The following FYB2 variants were observed in gnomAD, a reference collection of about 807,000 sequenced individuals.
FYB2 encodes FYN binding protein 2, also known as FYN-binding protein 2.
In FYB2, 103 loss-of-function variants were observed where a neutral mutation model predicts 94.1. That is an observed-to-expected ratio of 1.09 (90% CI 0.93 to 1.29). The LOEUF is 1.29. Ranked by LOEUF, FYB2 falls within the 50% of genes most tolerant of loss-of-function variation. FYB2 has a pLI of 0.00. For missense variants in FYB2, 896 were observed against 841.5 expected (o/e 1.06, Z -0.80); for synonymous variants, 293 against 287.9 (o/e 1.02, Z -0.18).
At chr1:56,719,719 AT>A in intron 19 of FYB2, 27 bp from the exon 20 acceptor site, 2 of 1,555,530 alleles carry the variant, frequency 1.3e-6, no homozygotes, top group Non-Finnish European at 1.8e-6. Context: ...ATATGCAAAC[AT>A]TTTAAAATAT....
intron 4 of FYB2, among the ~76,000 whole-genome samples, chr1:56,773,043 T>A (rs952874008): frequency 2.0e-5 from 3 of 152,212 alleles, no homozygotes; most frequent in African/African-American, 7.2e-5. Context: ...ATTATCTATG[T>A]TCAAGAAGCA....
intron 4 of FYB2, among the ~76,000 whole-genome samples, chr1:56,782,087 T>C (rs1343568836): frequency 6.6e-6 from 1 of 152,222 alleles, no homozygotes; most frequent in Non-Finnish European, 1.5e-5. Flanking sequence ...GATTGAAATA[T>C]CTATCACAAT....
At chr1:56,800,130 G>A (rs1028521697) in intron 1 of FYB2, among the ~76,000 whole-genome samples, 4 of 152,164 alleles carry the variant, frequency 2.6e-5, no homozygotes, top group Non-Finnish European at 5.9e-5. Context: ...GAGCCTTAAG[G>A]AATATGTAAA....
At chr1:56,756,927 G>T (rs528433727) in intron 6 of FYB2, among the ~76,000 whole-genome samples, 2 of 152,170 alleles carry the variant, frequency 1.3e-5, no homozygotes, top group African/African-American at 4.8e-5. Context: ...GTGGTAGTTT[G>T]GTGTGAAGGG....
chr1:56,814,216 C>T (rs186891108), intron 1 of FYB2, among the ~76,000 whole-genome samples: 1 of 152,296 alleles, frequency 6.6e-6, no homozygotes, highest in East Asian at 1.9e-4. Flanking sequence ...GGTGAGGAGG[C>T]TCGAGTTAGA....
At chr1:56,770,004 T>C (rs1190740566) in intron 4 of FYB2, among the ~76,000 whole-genome samples, 1 of 152,128 alleles carries the variant, frequency 6.6e-6, no homozygotes, top group Non-Finnish European at 1.5e-5. Flanking sequence ...ATATTAATAT[T>C]AGACCAACTT....
chr1:56,789,028 C>A lies in FYB2; in HGVS notation c.864G>T (p.Val288=). ...PPPKPSRPPI[V]NLQAFQRQPA... ...GCTGCCTCTGAAAGGCCTGGAGGTTCACGATGGGAGGTCTTGAAGGCTTTG... is the reference window on the plus strand; with the variant it reads ...GCTGCCTCTGAAAGGCCTGGAGGTTAACGATGGGAGGTCTTGAAGGCTTTG... Residue 288 remains valine, a synonymous_variant, in exon 3 of 20, where the codon GTG becomes GTT. Coordinates refer to ENST00000343433, the MANE Select transcript of FYB2 (RefSeq NM_001004303.5). 1 of 1,614,040 alleles carries A rather than the reference C, an allele frequency of 6.2e-7. No homozygotes were observed. The highest frequency in any genetic ancestry group is 8.5e-7 in the Non-Finnish European group (1 of 1,179,950).
At chr1:56,739,626 G>C (rs932639599) in intron 13 of FYB2, among the ~76,000 whole-genome samples, 7 of 152,170 alleles carry the variant, frequency 4.6e-5, no homozygotes, top group African/African-American at 1.7e-4. Context: ...ACAATGGTTT[G>C]ACTCCCAATT....
Position 56,744,077 on chromosome 1 carries a change from A to C in FYB2, c.1503-11T>G. 4.3e-6 allele frequency: 7 copies of C among 1,612,676 alleles called. No homozygotes were observed. Among genetic ancestry groups the C allele is most frequent in the Non-Finnish European group, 5.9e-6 (7 of 1,179,216 alleles). Reference sequence around the variant, plus strand: ...TAGTTCAGCTTCGGTCTATGGGAGAAAATAACAAAGACCATTATTGTACCT... The same window carrying C: ...TAGTTCAGCTTCGGTCTATGGGAGACAATAACAAAGACCATTATTGTACCT... On this transcript the variant is annotated splice_polypyrimidine_tract_variant and intron_variant, in intron 10 of 19. Coordinates refer to ENST00000343433, the MANE Select transcript of FYB2 (RefSeq NM_001004303.5).
intron 4 of FYB2, among the ~76,000 whole-genome samples, chr1:56,771,667 A>G (rs1645758624): frequency 6.6e-6 from 1 of 152,204 alleles, no homozygotes; most frequent in Non-Finnish European, 1.5e-5. Flanking sequence ...CTTCAGCTGC[A>G]TCACAACTAC....
chr1:56,800,594 T>C lies in FYB2; in HGVS notation c.10-7791A>G, dbSNP rs111684034. On this transcript the variant is annotated intron_variant, in intron 1 of 19. Coordinates refer to ENST00000343433, the MANE Select transcript of FYB2 (RefSeq NM_001004303.5). ...GAGCAAGAATACCAGCTCCATTAAA[T>C]GTGTGACCTTGAACATGCTACTAAA... is the stretch of plus-strand genomic sequence containing the variant. 6.3e-4 allele frequency among the ~76,000 whole-genome samples: 96 copies of C among 152,296 alleles called. 1 individual carries two copies. Among genetic ancestry groups the C allele is most frequent in the African/African-American group, 2.2e-3 (91 of 41,564 alleles).
At chr1:56,793,193 C>T (rs1646314744) in intron 1 of FYB2, among the ~76,000 whole-genome samples, 1 of 152,138 alleles carries the variant, frequency 6.6e-6, no homozygotes, top group African/African-American at 2.4e-5. Flanking sequence ...AGGTTCTTCA[C>T]AATGAGGTCC....
At position 56,726,527 on chromosome 1, in the gene FYB2, T is replaced by C; in HGVS notation, c.1850A>G (p.Lys617Arg). ...TGATTCTTCAGCACCGTTTTTCTCTTTTTTTTCCTTTGGTGTCAGAAACTT... is the reference window on the plus strand; with the variant it reads ...TGATTCTTCAGCACCGTTTTTCTCTCTTTTTTCCTTTGGTGTCAGAAACTT... ...KPKFLTPKEK[K>R]EKNGAEESES... Residue 617 changes from lysine to arginine, a missense_variant, in exon 16 of 20, where the codon AAA becomes AGA. Lys to Arg is a conservative substitution (Grantham distance 26, BLOSUM62 2). Transcript: ENST00000343433. 6.2e-7 allele frequency: 1 copy of C among 1,612,376 alleles called. No individual in the cohort carries two copies. The highest frequency in any genetic ancestry group is 8.5e-7 in the Non-Finnish European group (1 of 1,179,018).
At chr1:56,807,098 G>A (rs1014002771) in intron 1 of FYB2, among the ~76,000 whole-genome samples, 2 of 152,128 alleles carry the variant, frequency 1.3e-5, no homozygotes, top group East Asian at 1.9e-4. Flanking sequence ...TGGAAAAACC[G>A]ACCACAGAGC....
At chr1:56,775,343 A>G (rs1557637018) in intron 4 of FYB2, among the ~76,000 whole-genome samples, 1 of 152,142 alleles carries the variant, frequency 6.6e-6, no homozygotes, top group Non-Finnish European at 1.5e-5. Flanking sequence ...TCACCAAGTA[A>G]ATGTTATTAA....
chr1:56,734,971 C>T (rs59551327), intron 15 of FYB2, among the ~76,000 whole-genome samples: 7,379 of 151,892 alleles, frequency 0.049, 558 homozygotes, highest in African/African-American at 0.16. Context: ...CACATGCTAG[C>T]AAGGATGTGG....
chr1:56,755,799 A>C (rs1399607837), intron 7 of FYB2, 97 bp downstream of exon 7: 1 of 1,212,372 alleles, frequency 8.2e-7, no homozygotes, highest in African/African-American at 1.5e-5. Context: ...AGGCTAGCTC[A>C]GTTTGGAAAC....
At chr1:56,825,171 A>G in the FYB2 span, 1 of 152,238 alleles carries the variant, frequency 6.6e-6, no homozygotes, top group East Asian at 1.9e-4. Flanking sequence ...GTAGAATTGA[A>G]TGACCTCATT....
At chr1:56,735,844 C>G (rs1386084528) in intron 15 of FYB2, among the ~76,000 whole-genome samples, 1 of 152,058 alleles carries the variant, frequency 6.6e-6, no homozygotes, top group East Asian at 1.9e-4. Flanking sequence ...TATTAATTAC[C>G]TAGTCTCAGG....
Sources: allele counts gnomAD v4.1 joint callset (sites outside exome capture counted in the v4.1 genomes callset), GRCh38; gene constraint gnomAD v4.1.1; transcripts MANE v1.5; gene names NCBI Gene and HGNC (gene_info 2026-07-23, HGNC 2026-07-21).